Variants in RUNX1 observed in about 807,000 individuals in gnomAD.
The protein encoded by RUNX1 is RUNX family transcription factor 1, also known as runt-related transcription factor 1.
A neutral mutation model predicts 42.8 loss-of-function variants in RUNX1; 19 were observed. That is an observed-to-expected ratio of 0.44 (90% CI 0.31 to 0.65). RUNX1 has a LOEUF of 0.65. RUNX1 is among the 30% of genes least tolerant of loss of function. The probability of loss-of-function intolerance (pLI) is 0.07; values close to 1 mark genes in which losing one functional copy is unlikely to be tolerated. For missense variants in RUNX1, 528 were observed against 672.0 expected (o/e 0.79, Z 2.37); for synonymous variants, 271 against 289.4 (o/e 0.94, Z 0.64).
At chr21:34,887,358 C>CGATT in intron 3 of RUNX1, 1 of 1,433,208 alleles carries the variant, frequency 7.0e-7, no homozygotes, top group Non-Finnish European at 9.1e-7. Flanking sequence ...TCCTAGCAAC[C>CGATT]GATTGCTTAG....
At chr21:34,829,543 G>C (rs1229105040) in intron 7 of RUNX1, among the ~76,000 whole-genome samples, 1 of 152,036 alleles carries the variant, frequency 6.6e-6, no homozygotes, top group Non-Finnish European at 1.5e-5. Context: ...ACCTGGAAAG[G>C]CTCTCATACC....
chr21:35,019,841 G>A, intron 2 of RUNX1, among the ~76,000 whole-genome samples: 1 of 152,106 alleles, frequency 6.6e-6, no homozygotes, highest in East Asian at 1.9e-4. Flanking sequence ...GGAAAATCGT[G>A]CACTGATCAG....
chr21:34,917,433 A>G lies in RUNX1; in HGVS notation c.59-24470T>C, dbSNP rs1016306147. Among the ~76,000 whole-genome samples the G allele has an allele frequency of 2.6e-5, 4 of 152,222 alleles. No homozygotes were observed. In the East Asian group the frequency reaches 5.8e-4, roughly 22 times the overall value. The stretch of plus-strand genomic sequence containing the variant: ...TCATCAGGCAGTTTTCAGTTGAACA[A>G]AAAGAATTGGAATTCTGCATTAGCA... On this transcript the variant is annotated intron_variant, in intron 2 of 8. Coordinates refer to ENST00000675419, the MANE Select transcript of RUNX1 (RefSeq NM_001754.5).
chr21:34,897,929 A>G (rs2058143666), intron 2 of RUNX1, among the ~76,000 whole-genome samples: 1 of 152,214 alleles, frequency 6.6e-6, no homozygotes, highest in African/African-American at 2.4e-5. Context: ...TGACTCATGC[A>G]ACAGAGAGAT....
intron 6 of RUNX1, among the ~76,000 whole-genome samples, chr21:34,840,027 T>C (rs1569042523): frequency 6.6e-6 from 1 of 152,190 alleles, no homozygotes; most frequent in Non-Finnish European, 1.5e-5. Context: ...GCCCAAACTC[T>C]GCCCTGCAGA....
intron 2 of RUNX1, among the ~76,000 whole-genome samples, chr21:34,974,265 T>G (rs1304601185): frequency 1.3e-5 from 2 of 152,060 alleles, no homozygotes. Flanking sequence ...ACCAGTCACC[T>G]CCACACAGGC....
At chr21:34,888,275 G>A in intron 3 of RUNX1, 1 of 1,067,392 alleles carries the variant, frequency 9.4e-7, no homozygotes, top group Non-Finnish European at 1.1e-6. Context: ...TTGAGGGAGG[G>A]CTCCGCGGCG....
rs141554706 is a variant in RUNX1, at chr21:35,041,133, T to A, written c.58+7709A>T. 2.6e-3 allele frequency among the ~76,000 whole-genome samples: 397 copies of A among 152,354 alleles called. 4 individuals carry two copies. The highest frequency in any genetic ancestry group is 8.8e-3 in the African/African-American group (368 of 41,584). ...CTCCATTCGAGACTAGCAAAGTTTC[T>A]TTTGAGAAGTCACAGTCTCTACGGA... On this transcript the variant is annotated intron_variant, in intron 2 of 8. Coordinates refer to ENST00000675419, the MANE Select transcript of RUNX1 (RefSeq NM_001754.5).
chr21:34,924,244 G>T (rs570076414), intron 2 of RUNX1, among the ~76,000 whole-genome samples: 1 of 152,234 alleles, frequency 6.6e-6, no homozygotes, highest in Non-Finnish European at 1.5e-5. Context: ...CTAAATTTCA[G>T]TTCATCTTTG....
chr21:34,996,102 A>C (rs2058993168), intron 2 of RUNX1, among the ~76,000 whole-genome samples: 1 of 152,190 alleles, frequency 6.6e-6, no homozygotes, highest in Non-Finnish European at 1.5e-5. Context: ...GTAGAATAGC[A>C]GACTGTCAGA....
chr21:35,013,399 C>G (rs2146919468), intron 2 of RUNX1, among the ~76,000 whole-genome samples: 1 of 152,234 alleles, frequency 6.6e-6, no homozygotes, highest in Non-Finnish European at 1.5e-5. Context: ...TGAGTTTATT[C>G]ATTATTTGCT....
intron 2 of RUNX1, among the ~76,000 whole-genome samples, chr21:35,011,599 G>T (rs2059127128): frequency 6.6e-6 from 1 of 152,196 alleles, no homozygotes; most frequent in Non-Finnish European, 1.5e-5. Context: ...GCCAGGAGGG[G>T]TTTCAGCGCC....
chr21:35,023,991 T>G (rs1173861243), intron 2 of RUNX1, among the ~76,000 whole-genome samples: 1 of 150,424 alleles, frequency 6.6e-6, no homozygotes, highest in Non-Finnish European at 1.5e-5. Context: ...TAATTATAAA[T>G]ATATATCAAC....
At chr21:34,919,220 G>A (rs1003615025) in intron 2 of RUNX1, among the ~76,000 whole-genome samples, 8 of 152,130 alleles carry the variant, frequency 5.3e-5, no homozygotes, top group African/African-American at 1.9e-4. Flanking sequence ...TTAACTAGTC[G>A]AAGCTGTTTC....
intron 6 of RUNX1, among the ~76,000 whole-genome samples, chr21:34,853,107 G>T (rs1307417426): frequency 2.0e-5 from 3 of 152,160 alleles, no homozygotes; most frequent in African/African-American, 7.2e-5. Flanking sequence ...GGCCAACACC[G>T]GAAGAAGAGG....
intron 7 of RUNX1, among the ~76,000 whole-genome samples, chr21:34,825,292 G>A (rs1206613318): frequency 1.3e-5 from 2 of 152,094 alleles, no homozygotes; most frequent in African/African-American, 4.8e-5. Flanking sequence ...TGGAGGCTAG[G>A]ACAAGAGGCA....
intron 6 of RUNX1, among the ~76,000 whole-genome samples, chr21:34,856,612 C>T (rs1273560353): frequency 6.6e-6 from 1 of 152,200 alleles, no homozygotes; most frequent in Non-Finnish European, 1.5e-5. Context: ...GCTAGGCAAA[C>T]CGTTTCATTT....
chr21:34,934,824 G>A (rs1011737212), intron 2 of RUNX1, among the ~76,000 whole-genome samples: 1 of 152,054 alleles, frequency 6.6e-6, no homozygotes, highest in Non-Finnish European at 1.5e-5. Flanking sequence ...AGGCAGGGGT[G>A]GGAGTTGTGT....
At chr21:34,849,380 CAT>C (rs2057376503) in intron 6 of RUNX1, among the ~76,000 whole-genome samples, 2 of 27,464 alleles carry the variant, frequency 7.3e-5, no homozygotes, top group African/African-American at 1.3e-4. Flanking sequence ...ATACTATATA[CAT>C]AGTATATATA....
Sources: allele counts gnomAD v4.1 joint callset (sites outside exome capture counted in the v4.1 genomes callset), GRCh38; gene constraint gnomAD v4.1.1; transcripts MANE v1.5; gene names NCBI Gene and HGNC (gene_info 2026-07-23, HGNC 2026-07-21).